The following NOS1AP variants were observed in gnomAD, a reference collection of about 807,000 sequenced individuals.
The protein encoded by NOS1AP is carboxyl-terminal PDZ ligand of neuronal nitric oxide synthase protein.
A neutral mutation model predicts 56.2 loss-of-function variants in NOS1AP; 21 were observed. That is an observed-to-expected ratio of 0.37 (90% CI 0.26 to 0.54). The LOEUF (loss-of-function observed/expected upper bound fraction) is 0.54, where lower values mean the gene tolerates loss of function less well. Among genes scored for constraint, NOS1AP ranks in the 20% least tolerant of loss-of-function variants. The pLI is 0.84. For synonymous variants in NOS1AP, 270 were observed against 274.6 expected (o/e 0.98, Z 0.17); for missense variants, 522 against 657.8 (o/e 0.79, Z 2.26).
intron 4 of NOS1AP, among the ~76,000 whole-genome samples, chr1:162,324,381 G>A (rs984659908): frequency 1.4e-5 from 2 of 140,230 alleles, no homozygotes; most frequent in Non-Finnish European, 3.1e-5. Context: ...TATATGAAAG[G>A]ATTTTTGTGT....
chr1:162,165,986 T>C (rs1650479040), intron 2 of NOS1AP, among the ~76,000 whole-genome samples: 1 of 152,206 alleles, frequency 6.6e-6, no homozygotes, highest in African/African-American at 2.4e-5. Context: ...CCTTATCTCT[T>C]GGAAAGACAT....
At chr1:162,209,787 AG>A (rs1261531105) in intron 2 of NOS1AP, among the ~76,000 whole-genome samples, 1 of 151,906 alleles carries the variant, frequency 6.6e-6, no homozygotes, top group Non-Finnish European at 1.5e-5. Flanking sequence ...GGGCAAGGGC[AG>A]GGGGACTCTT....
intron 2 of NOS1AP, among the ~76,000 whole-genome samples, chr1:162,161,816 T>C (rs562147904): frequency 1.8e-4 from 27 of 152,330 alleles, no homozygotes; most frequent in Non-Finnish European, 3.1e-4. Context: ...CTAATTACTG[T>C]GCACTGGAGC....
chr1:162,230,436 CAAGCCACATATGT>C (rs1653086316), intron 2 of NOS1AP, among the ~76,000 whole-genome samples: 1 of 152,158 alleles, frequency 6.6e-6, no homozygotes, highest in African/African-American at 2.4e-5. Flanking sequence ...AAATATAATG[CAAGCCACATATGT>C]AATTTCAGAA....
At chr1:162,192,078 C>A (rs1388951810) in intron 2 of NOS1AP, among the ~76,000 whole-genome samples, 3 of 152,072 alleles carry the variant, frequency 2.0e-5, no homozygotes, top group Non-Finnish European at 4.4e-5. Flanking sequence ...AAATGTGATC[C>A]CCAGACCAGT....
intron 1 of NOS1AP, among the ~76,000 whole-genome samples, chr1:162,092,637 A>G (rs558879529): frequency 3.9e-5 from 6 of 152,214 alleles, no homozygotes; most frequent in Non-Finnish European, 8.8e-5. Context: ...TGCCTGGTAC[A>G]TGATTTATGC....
intron 1 of NOS1AP, among the ~76,000 whole-genome samples, chr1:162,117,303 G>A (rs556606949): frequency 6.6e-6 from 1 of 152,276 alleles, no homozygotes; most frequent in East Asian, 1.9e-4. Context: ...TTCATCTGTG[G>A]ATTTACTTGC....
intron 4 of NOS1AP, among the ~76,000 whole-genome samples, chr1:162,319,937 C>T (rs1388616093): frequency 1.3e-5 from 2 of 152,202 alleles, no homozygotes; most frequent in Non-Finnish European, 2.9e-5. Context: ...TGCCACCTCC[C>T]ACGTTGTCTT....
intron 2 of NOS1AP, among the ~76,000 whole-genome samples, chr1:162,210,186 C>T (rs1367192576): frequency 6.6e-6 from 1 of 152,148 alleles, no homozygotes; most frequent in Non-Finnish European, 1.5e-5. Context: ...TACATTTCTT[C>T]AGCAACAACT....
intron 2 of NOS1AP, among the ~76,000 whole-genome samples, chr1:162,230,385 G>C (rs1388050364): frequency 6.6e-6 from 1 of 152,192 alleles, no homozygotes; most frequent in African/African-American, 2.4e-5. Context: ...TGTTGTGCCA[G>C]CTGGCAATGG....
At chr1:162,117,273 G>A (rs139922010) in intron 1 of NOS1AP, among the ~76,000 whole-genome samples, 9 of 152,282 alleles carry the variant, frequency 5.9e-5, no homozygotes, top group African/African-American at 9.6e-5. Flanking sequence ...TCAGATTAAT[G>A]TCAGGTGGTA....
At chr1:162,093,835 G>C (rs528051757) in intron 1 of NOS1AP, among the ~76,000 whole-genome samples, 1 of 152,190 alleles carries the variant, frequency 6.6e-6, no homozygotes, top group Non-Finnish European at 1.5e-5. Flanking sequence ...TTACAGGCAT[G>C]AGCCACTGTG....
At chr1:162,362,712 G>A (rs933694112) in intron 8 of NOS1AP, among the ~76,000 whole-genome samples, 4 of 152,234 alleles carry the variant, frequency 2.6e-5, no homozygotes, top group South Asian at 2.1e-4. Context: ...GATAAGTAAC[G>A]GTACTCATAA....
chr1:162,325,201 G>C (rs573956160), intron 4 of NOS1AP, among the ~76,000 whole-genome samples: 1 of 152,262 alleles, frequency 6.6e-6, no homozygotes, highest in South Asian at 2.1e-4. Context: ...TATACAGTGG[G>C]GGGAAAATGA....
At chr1:162,210,592 G>A (rs1412186832) in intron 2 of NOS1AP, among the ~76,000 whole-genome samples, 1 of 152,174 alleles carries the variant, frequency 6.6e-6, no homozygotes, top group Non-Finnish European at 1.5e-5. Flanking sequence ...TAGGCTCCGT[G>A]TGGAGTTGCT....
At chr1:162,111,332 G>A (rs1336534292) in intron 1 of NOS1AP, among the ~76,000 whole-genome samples, 2 of 152,342 alleles carry the variant, frequency 1.3e-5, no homozygotes, top group Non-Finnish European at 2.9e-5. Context: ...CCATTGGAGA[G>A]GCAGTGCTCA....
chr1:162,072,773 C>G (rs1477176773), intron 1 of NOS1AP, among the ~76,000 whole-genome samples: 1 of 152,198 alleles, frequency 6.6e-6, no homozygotes, highest in Non-Finnish European at 1.5e-5. Context: ...CTGGTAAGAG[C>G]CTTCTCTGGC....
chr1:162,263,979 A>G (rs1463206225), intron 2 of NOS1AP, among the ~76,000 whole-genome samples: 1 of 152,198 alleles, frequency 6.6e-6, no homozygotes, highest in African/African-American at 2.4e-5. Flanking sequence ...CTAGGTCTTG[A>G]ATCCAACTGC....
chr1:162,215,970 G>A (rs890332814), intron 2 of NOS1AP, among the ~76,000 whole-genome samples: 3 of 152,156 alleles, frequency 2.0e-5, no homozygotes, highest in South Asian at 2.1e-4. Context: ...CTCTGGCCAC[G>A]CCTTGGTCTG....
Sources: gnomAD v4.1 joint callset for allele counts (sites outside exome capture counted in the v4.1 genomes callset) on GRCh38, gnomAD v4.1.1 for gene constraint, MANE v1.5 for transcripts, NCBI Gene and HGNC (gene_info 2026-07-23, HGNC 2026-07-21) for gene names.